Variants in IFT25 observed in about 807,000 individuals in gnomAD.
IFT25 encodes intraflagellar transport 25.
At chr1:53,945,549 G>A in the IFT25 span, 1 of 153,234 alleles carries the variant, frequency 6.5e-6, no homozygotes, top group Non-Finnish European at 1.5e-5. Flanking sequence ...CCCGCTACCC[G>A]CTCACCTGGG....
the IFT25 span, among the ~76,000 whole-genome samples, chr1:53,922,899 G>T: frequency 2.0e-5 from 3 of 152,146 alleles, no homozygotes; most frequent in Non-Finnish European, 4.4e-5. Context: ...TTGTGACAGG[G>T]TAATAAAATT....
the IFT25 span, among the ~76,000 whole-genome samples, chr1:53,912,945 C>T: frequency 1.1e-4 from 17 of 152,200 alleles, no homozygotes; most frequent in African/African-American, 3.4e-4. Flanking sequence ...AGGAACCACA[C>T]TTTGAGAACC....
chr1:53,944,787 T>A, the IFT25 span, among the ~76,000 whole-genome samples: 2,262 of 152,258 alleles, frequency 0.015, 66 homozygotes, highest in African/African-American at 0.051. Flanking sequence ...CTGACCCTGG[T>A]ATTCCCTGAT....
chr1:53,943,428 G>C, the IFT25 span, among the ~76,000 whole-genome samples: 2 of 152,104 alleles, frequency 1.3e-5, no homozygotes, highest in Admixed American at 1.3e-4. Context: ...GTAGATTTTG[G>C]CCTCCAAGGG....
the IFT25 span, among the ~76,000 whole-genome samples, chr1:53,936,385 G>A: frequency 6.6e-6 from 1 of 152,216 alleles, no homozygotes; most frequent in Non-Finnish European, 1.5e-5. Context: ...AGGAGGCAGA[G>A]GTTGCAGTGA....
chr1:53,921,542 A>G, the IFT25 span: 1 of 727,218 alleles, frequency 1.4e-6, no homozygotes, highest in Non-Finnish European at 2.4e-6. Flanking sequence ...AAAAGAATGT[A>G]AATAAAAACT....
the IFT25 span, among the ~76,000 whole-genome samples, chr1:53,938,163 G>C: frequency 6.6e-6 from 1 of 152,100 alleles, no homozygotes; most frequent in Non-Finnish European, 1.5e-5. Context: ...TATTCCCCAA[G>C]ATTACTGTGA....
the IFT25 span, among the ~76,000 whole-genome samples, chr1:53,944,852 T>C: frequency 6.6e-6 from 1 of 152,182 alleles, no homozygotes; most frequent in African/African-American, 2.4e-5. Flanking sequence ...GTTCACCCTT[T>C]CATCGCTAGC....
the IFT25 span, among the ~76,000 whole-genome samples, chr1:53,919,585 G>C: frequency 3.2e-3 from 482 of 152,320 alleles, 5 homozygotes; most frequent in African/African-American, 0.011. Context: ...AGAATTGTGA[G>C]CAAATGAAAT....
chr1:53,921,782 A>C, the IFT25 span: 2 of 1,497,658 alleles, frequency 1.3e-6, no homozygotes, highest in Non-Finnish European at 1.9e-6. Flanking sequence ...ATGGGAAAAA[A>C]ATCAATATAA....
the IFT25 span, among the ~76,000 whole-genome samples, chr1:53,941,914 G>C: frequency 2.0e-5 from 3 of 152,112 alleles, no homozygotes; most frequent in Non-Finnish European, 4.4e-5. Context: ...CTGTGGACCC[G>C]ACAGAGAAAT....
At chr1:53,937,973 A>C in the IFT25 span, among the ~76,000 whole-genome samples, 1 of 152,364 alleles carries the variant, frequency 6.6e-6, no homozygotes, top group African/African-American at 2.4e-5. Context: ...ACTAAATTTG[A>C]GTTAACCTAG....
At chr1:53,942,601 T>C in the IFT25 span, among the ~76,000 whole-genome samples, 2 of 152,136 alleles carry the variant, frequency 1.3e-5, no homozygotes, top group African/African-American at 4.8e-5. Flanking sequence ...ATAAAACATA[T>C]AGGTTTGGTT....
the IFT25 span, among the ~76,000 whole-genome samples, chr1:53,942,343 G>A: frequency 2.0e-5 from 3 of 152,066 alleles, no homozygotes; most frequent in East Asian, 3.8e-4. Flanking sequence ...CTAAAAATGC[G>A]TTTAACATTT....
the IFT25 span, among the ~76,000 whole-genome samples, chr1:53,943,521 A>T: frequency 6.6e-6 from 1 of 152,182 alleles, no homozygotes; most frequent in Non-Finnish European, 1.5e-5. Flanking sequence ...GGGACAGCAC[A>T]TCCTCAAGTA....
At chr1:53,928,832 CCACTT>C in the IFT25 span, 1 of 164,718 alleles carries the variant, frequency 6.1e-6, no homozygotes, top group Non-Finnish European at 1.3e-5. Flanking sequence ...GTACTTTAAC[CCACTT>C]TACTGGTGAG....
At chr1:53,927,910 C>T in the IFT25 span, among the ~76,000 whole-genome samples, 7 of 152,214 alleles carry the variant, frequency 4.6e-5, no homozygotes, top group Admixed American at 1.3e-4. Flanking sequence ...GTTTATGCCT[C>T]TTTTTATTCC....
the IFT25 span, chr1:53,929,766 T>C: frequency 3.2e-6 from 1 of 313,488 alleles, no homozygotes; most frequent in Non-Finnish European, 5.5e-6. Flanking sequence ...ACATAGTAAA[T>C]TGCATGGAAA....
At chr1:53,942,304 C>A in the IFT25 span, among the ~76,000 whole-genome samples, 1 of 152,174 alleles carries the variant, frequency 6.6e-6, no homozygotes, top group African/African-American at 2.4e-5. Context: ...CATATCTAGC[C>A]TGCCATCTGT....
Sources: allele counts gnomAD v4.1 joint callset (sites outside exome capture counted in the v4.1 genomes callset), GRCh38; gene constraint gnomAD v4.1.1; transcripts MANE v1.5; gene names NCBI Gene and HGNC (gene_info 2026-07-23, HGNC 2026-07-21).